ADARB2: variants seen among roughly 807,000 people sequenced by gnomAD.
ADARB2 encodes the protein inactive double-stranded RNA-specific editase B2.
ADARB2 carries 25 observed loss-of-function variants against 62.2 expected under a neutral mutation model. The ratio of observed to expected loss-of-function variants is 0.40; its 90% CI spans 0.29 to 0.56. The LOEUF (loss-of-function observed/expected upper bound fraction) is 0.56, where lower values mean the gene tolerates loss of function less well. Among genes scored for constraint, ADARB2 ranks in the 20% least tolerant of loss-of-function variants. ADARB2 has a pLI of 0.43. For synonymous variants in ADARB2, 572 were observed against 500.8 expected (o/e 1.14, Z -1.90); for missense variants, 1,071 against 1,077.4 (o/e 0.99, Z 0.08).
At chr10:1,216,796 G>A in intron 7 of ADARB2, 155 bp downstream of exon 7, 2 of 1,020,326 alleles carry the variant, frequency 2.0e-6, no homozygotes, top group Non-Finnish European at 2.8e-6. Flanking sequence ...CTGAACATGT[G>A]GAATGGCTGT....
At chr10:1,581,273 C>T (rs1232489169) in intron 1 of ADARB2, among the ~76,000 whole-genome samples, 1 of 152,250 alleles carries the variant, frequency 6.6e-6, no homozygotes, top group African/African-American at 2.4e-5. Context: ...TCAGACGTTC[C>T]GCTCGTGGGA....
chr10:1,207,736 A>C (rs1345825059), intron 7 of ADARB2, among the ~76,000 whole-genome samples: 1 of 152,272 alleles, frequency 6.6e-6, no homozygotes. Flanking sequence ...CTGTTCATTT[A>C]AAGACACATT....
At chr10:1,592,828 G>T (rs78251602) in intron 1 of ADARB2, among the ~76,000 whole-genome samples, 1 of 6,070 alleles carries the variant, frequency 1.6e-4, no homozygotes, top group Non-Finnish European at 2.9e-4. Context: ...AGCTTCCCTC[G>T]CCCAAGCCAC....
rs563668702 is a variant in ADARB2 at position 1,486,603 on chromosome 10, G to C, written c.101-107443C>G. On this transcript the variant is annotated intron_variant, in intron 1 of 9. Coordinates refer to ENST00000381312, the MANE Select transcript of ADARB2 (RefSeq NM_018702.4). Reference sequence around the variant, plus strand: ...AATATATTCTACTGTGTCTTCCTTGGACTGTGTTTTATTTTCTTATTTTTG... The same window carrying C: ...AATATATTCTACTGTGTCTTCCTTGCACTGTGTTTTATTTTCTTATTTTTG... 5.6e-4 allele frequency among the ~76,000 whole-genome samples: 86 copies of C among 152,252 alleles called. No homozygotes were observed. In the South Asian group the frequency reaches 0.016, roughly 28 times the overall value.
intron 1 of ADARB2, among the ~76,000 whole-genome samples, chr10:1,587,105 G>A (rs1028975343): frequency 6.6e-5 from 10 of 152,108 alleles, no homozygotes; most frequent in African/African-American, 9.7e-5. Context: ...GATTATAACC[G>A]CTTGTATACT....
rs143206379 is a variant in ADARB2 at position 1,259,634 on chromosome 10, G to C, written c.1192+11321C>G. ...GAATCTCTGAATAGACCAATAACAG[G>C]CTGTGAAATTGAGGCAATAATTAAT... On this transcript the variant is annotated intron_variant, in intron 4 of 9. Transcript: ENST00000381312. 4.1e-3 allele frequency among the ~76,000 whole-genome samples: 617 copies of C among 152,264 alleles called. 17 individuals are homozygous for C. The highest frequency in any genetic ancestry group is 0.03 in the Admixed American group (453 of 15,292).
intron 1 of ADARB2, among the ~76,000 whole-genome samples, chr10:1,469,793 A>C (rs1250073278): frequency 6.6e-6 from 1 of 152,232 alleles, no homozygotes; most frequent in Non-Finnish European, 1.5e-5. Flanking sequence ...AAGGATGACA[A>C]CTGCTAGAGA....
intron 1 of ADARB2, among the ~76,000 whole-genome samples, chr10:1,551,458 T>G (rs1005843075): frequency 1.3e-5 from 2 of 152,172 alleles, no homozygotes; most frequent in African/African-American, 4.8e-5. Flanking sequence ...ATCCAGAAGA[T>G]GCAAAAGAGG....
At chr10:1,428,888 C>G (rs1441715750) in intron 1 of ADARB2, among the ~76,000 whole-genome samples, 2 of 151,824 alleles carry the variant, frequency 1.3e-5, no homozygotes, top group Non-Finnish European at 2.9e-5. Context: ...CACGGACACA[C>G]ACACACACAC....
intron 1 of ADARB2, among the ~76,000 whole-genome samples, chr10:1,675,557 G>T (rs570369162): frequency 6.3e-4 from 96 of 151,466 alleles, no homozygotes; most frequent in African/African-American, 1.8e-3. Flanking sequence ...GTACATGGAT[G>T]TTCTGGAGGT....
intron 1 of ADARB2, among the ~76,000 whole-genome samples, chr10:1,610,771 T>G (rs1006878203): frequency 6.9e-6 from 1 of 145,858 alleles, no homozygotes; most frequent in East Asian, 2.0e-4. Context: ...CACACACACA[T>G]GCACAGACAC....
chr10:1,586,710 A>G (rs2813392), intron 1 of ADARB2, among the ~76,000 whole-genome samples: 1 of 152,014 alleles, frequency 6.6e-6, no homozygotes, highest in Non-Finnish European at 1.5e-5. Context: ...AGATTCCTGG[A>G]TTCTCTGCGA....
chr10:1,634,093 C>T (rs905293636), intron 1 of ADARB2, among the ~76,000 whole-genome samples: 1 of 152,144 alleles, frequency 6.6e-6, no homozygotes, highest in Non-Finnish European at 1.5e-5. Flanking sequence ...CTCGCCTGCT[C>T]CCACCTGCCC....
chr10:1,533,984 A>G (rs1039742681), intron 1 of ADARB2, among the ~76,000 whole-genome samples: 6 of 142,272 alleles, frequency 4.2e-5, no homozygotes, highest in African/African-American at 1.5e-4. Context: ...TAATTATTTT[A>G]TGGATATGCA....
At position 1,363,266 on chromosome 10, in the gene ADARB2, A is replaced by G; in HGVS notation, c.839T>C (p.Val280Ala). 7.8e-7 allele frequency: 1 copy of G among 1,284,110 alleles called. No individual in the cohort carries two copies. Among genetic ancestry groups the G allele is most frequent in the Non-Finnish European group, 9.9e-7 (1 of 1,013,848 alleles). The allele number at this position is 1,284,110 out of a possible 1,614,324, so 79.5% of individuals were successfully genotyped here. A position where few individuals can be genotyped will look rare whatever the true frequency, so the allele number is the denominator to read the frequency against. Residue 280 changes from valine (V) to alanine (A), a missense_variant, in exon 3 of 10, where the codon GTG becomes GCG. Val to Ala is a moderately conservative substitution (Grantham distance 64). Coordinates refer to ENST00000381312, the MANE Select transcript of ADARB2 (RefSeq NM_018702.4). ...TPAAPGERNP[V>A]VLLNRLRAGL... ...GGCGCGCAGGCGGTTCAGCAGCACC[A>G]CGGGGTTGCGCTCGCCCGGGGCCGC...
At chr10:1,640,072 G>T (rs1833962432) in intron 1 of ADARB2, among the ~76,000 whole-genome samples, 1 of 152,154 alleles carries the variant, frequency 6.6e-6, no homozygotes, top group African/African-American at 2.4e-5. Context: ...CATCGATGAG[G>T]GAGCATGGCG....
intron 1 of ADARB2, among the ~76,000 whole-genome samples, chr10:1,723,527 G>A (rs978079920): frequency 2.0e-5 from 3 of 152,178 alleles, no homozygotes; most frequent in African/African-American, 7.2e-5. Flanking sequence ...TTAGTTGATG[G>A]TGTCTTAGGT....
At position 1,343,873 on chromosome 10, in the gene ADARB2, G is replaced by C. The variant is rs940254528; in HGVS notation, c.1077+19155C>G. Among the ~76,000 whole-genome samples, 13 of 152,272 alleles carry C rather than the reference G, an allele frequency of 8.5e-5. No individual in the cohort carries two copies. In the South Asian group the frequency reaches 2.1e-3, roughly 24 times the overall value. ...GCAACAGATACTGGGAACTACTTGA[G>C]GGTGAAGGGTGGGAGGAGGGTGAGG... On this transcript the variant is annotated intron_variant, in intron 3 of 9. Coordinates refer to ENST00000381312, the MANE Select transcript of ADARB2 (RefSeq NM_018702.4).
Position 1,568,623 on chromosome 10 carries a change from G to A in ADARB2, c.100+168428C>T, listed in dbSNP as rs1832889772. On this transcript the variant is annotated intron_variant, in intron 1 of 9. Coordinates refer to ENST00000381312, the MANE Select transcript of ADARB2 (RefSeq NM_018702.4). ...AGGAGGGAGGGAGGGAGGAAGGAAG[G>A]AAGGAAAGAAAGCTGGAGGTCTTCA... is the stretch of plus-strand genomic sequence containing the variant. Among the ~76,000 whole-genome samples the A allele has an allele frequency of 2.6e-5, 4 of 152,132 alleles. No homozygotes were observed. In the South Asian group the frequency reaches 8.3e-4, roughly 32 times the overall value.
Sources: gnomAD v4.1 joint callset for allele counts (sites outside exome capture counted in the v4.1 genomes callset) on GRCh38, gnomAD v4.1.1 for gene constraint, MANE v1.5 for transcripts, NCBI Gene and HGNC (gene_info 2026-07-23, HGNC 2026-07-21) for gene names.